PCDHA5: variants seen among roughly 807,000 people sequenced by gnomAD.
PCDHA5 encodes protocadherin alpha-5.
A neutral mutation model predicts 61.6 loss-of-function variants in PCDHA5; 43 were observed. The observed-to-expected ratio is 0.70, with a 90% CI of 0.55 to 0.90. The LOEUF (loss-of-function observed/expected upper bound fraction) is 0.90. Among genes scored for constraint, PCDHA5 ranks in the 40% least tolerant of loss-of-function variants. The pLI is 0.00. For synonymous variants in PCDHA5, 627 were observed against 543.9 expected (o/e 1.15, Z -2.13); for missense variants, 1,298 against 1,222.7 (o/e 1.06, Z -0.92).
At position 140,928,265 on chromosome 5, in the gene PCDHA5, A is replaced by G. The variant is rs1208273188; in HGVS notation, c.2353-50684A>G. ...CAGGAACTTTTCGTTGCTGAAAACA[A>G]TGGCCCTGGGGCCTCTCTAGGCCGA... On this transcript the variant is annotated intron_variant, in intron 1 of 3. Coordinates refer to ENST00000529859, the MANE Select transcript of PCDHA5 (RefSeq NM_018908.3). The G allele has an allele frequency of 3.1e-6, 5 of 1,614,188 alleles. No individual in the cohort carries two copies. In the South Asian group the frequency reaches 3.3e-5, roughly 11 times the overall value.
chr5:140,822,345 T>C lies in PCDHA5; in HGVS notation c.570T>C (p.Phe190=). The C allele has an allele frequency of 6.2e-7, 1 of 1,614,154 alleles. No homozygotes were observed. Among genetic ancestry groups the C allele is most frequent in the Non-Finnish European group, 8.5e-7 (1 of 1,180,028 alleles). ...DVKTNEEETN[F]LELVLRKSLD... is the part of the protein sequence containing the mutation. ...AAACAAATGAAGAAGAAACGAACTT[T>C]TTAGAGCTGGTTTTGAGGAAATCCT... Residue 190 remains phenylalanine, a synonymous_variant, in exon 1 of 4, where the codon TTT becomes TTC. Transcript: ENST00000529859.
At chr5:140,968,886 A>G in intron 1 of PCDHA5, 1 of 1,614,186 alleles carries the variant, frequency 6.2e-7, no homozygotes, top group Non-Finnish European at 8.5e-7. Context: ...ATTACCCTTT[A>G]TCTAATAATA....
chr5:141,004,311 C>T (rs2098161581), intron 3 of PCDHA5, among the ~76,000 whole-genome samples: 1 of 152,210 alleles, frequency 6.6e-6, no homozygotes, highest in South Asian at 2.1e-4. Context: ...TTTTATACAA[C>T]AACCAGAACA....
chr5:140,845,214 TA>T (rs1253125305), intron 1 of PCDHA5, among the ~76,000 whole-genome samples: 2 of 149,518 alleles, frequency 1.3e-5, no homozygotes, highest in South Asian at 2.1e-4. Flanking sequence ...TAAGTCCTTT[TA>T]AAAAATATGA....
intron 1 of PCDHA5, chr5:140,829,401 C>G: frequency 6.2e-7 from 1 of 1,614,092 alleles, no homozygotes; most frequent in Non-Finnish European, 8.5e-7. Context: ...TCGCTGTGGG[C>G]CACCGCCAGC....
intron 1 of PCDHA5, among the ~76,000 whole-genome samples, chr5:140,977,783 T>TATATGA (rs1488853966): frequency 1.3e-5 from 2 of 152,252 alleles, no homozygotes; most frequent in African/African-American, 4.8e-5. Context: ...TTAAAGGAAC[T>TATATGA]ATATGAATGA....
chr5:140,932,824 G>A (rs1484280278), intron 1 of PCDHA5, among the ~76,000 whole-genome samples: 4 of 151,902 alleles, frequency 2.6e-5, no homozygotes, highest in Admixed American at 6.6e-5. Context: ...AAGTGGGAAA[G>A]TATTGACAAT....
rs2150458258 is a variant in PCDHA5 at position 140,849,933 on chromosome 5, C to T, written c.2352+25806C>T. On this transcript the variant is annotated intron_variant, in intron 1 of 3. Transcript: ENST00000529859. Reference sequence around the variant, plus strand: ...CTGCCACATCTTCACGGTGTCTGCGCGGGACGCTGACGCGCAGGAGAACGC... The same window carrying T: ...CTGCCACATCTTCACGGTGTCTGCGTGGGACGCTGACGCGCAGGAGAACGC... The T allele has an allele frequency of 9.3e-5, 149 of 1,598,118 alleles. 10 individuals are homozygous for T. The highest frequency in any genetic ancestry group is 7.4e-4 in the South Asian group (67 of 90,542).
intron 1 of PCDHA5, chr5:140,843,767 T>A (rs2150366421): frequency 4.0e-6 from 6 of 1,487,048 alleles, no homozygotes; most frequent in African/African-American, 1.4e-5. Context: ...GAAATTGTAG[T>A]TACTTTAAAA....
chr5:140,882,209 A>T, intron 1 of PCDHA5: 1 of 1,531,724 alleles, frequency 6.5e-7, no homozygotes, highest in Non-Finnish European at 8.8e-7. Context: ...GCCTTGAGAG[A>T]CAGTTTGAGG....
At chr5:140,863,518 C>T (rs1339237201) in intron 1 of PCDHA5, 13 of 402,142 alleles carry the variant, frequency 3.2e-5, no homozygotes, top group Middle Eastern at 7.3e-4. Context: ...AGTGTTCTCC[C>T]ATGGTTCAGA....
At chr5:140,876,961 C>A in intron 1 of PCDHA5, 1 of 1,613,154 alleles carries the variant, frequency 6.2e-7, no homozygotes, top group Non-Finnish European at 8.5e-7. Flanking sequence ...GCTGGTGGAG[C>A]GGCGGGTGGG....
intron 1 of PCDHA5, chr5:140,868,176 CAT>C (rs1246417615): frequency 2.0e-5 from 3 of 152,006 alleles, no homozygotes; most frequent in African/African-American, 7.2e-5. Flanking sequence ...TTTGATATCT[CAT>C]ATTATGCTAC....
At chr5:140,927,054 C>CT in intron 1 of PCDHA5, 1 of 1,611,076 alleles carries the variant, frequency 6.2e-7, no homozygotes, top group African/African-American at 1.3e-5. Context: ...CCTCGCGGAA[C>CT]TTTCGCTTCC....
chr5:140,905,043 A>G (rs782694794), intron 1 of PCDHA5, among the ~76,000 whole-genome samples: 1 of 152,244 alleles, frequency 6.6e-6, no homozygotes, highest in East Asian at 1.9e-4. Flanking sequence ...TAGTTTAATT[A>G]GGTCCCATTT....
chr5:140,821,766 C>A lies in PCDHA5; in HGVS notation c.-10C>A. On this transcript the variant is annotated 5_prime_UTR_variant, in exon 1 of 4. Coordinates refer to ENST00000529859, the MANE Select transcript of PCDHA5 (RefSeq NM_018908.3). Reference sequence around the variant, plus strand: ...TGCAATAGAAAGCTCATAATTGGAACGAGATTGAGATGGTATATTCCCGGA... The same window carrying A: ...TGCAATAGAAAGCTCATAATTGGAAAGAGATTGAGATGGTATATTCCCGGA... 3 of 1,592,410 alleles carry A rather than the reference C, an allele frequency of 1.9e-6. No individual in the cohort carries two copies. Among genetic ancestry groups the A allele is most frequent in the Non-Finnish European group, 1.7e-6 (2 of 1,169,494 alleles).
At chr5:141,006,584 G>C (rs1554260824) in intron 3 of PCDHA5, among the ~76,000 whole-genome samples, 2 of 152,126 alleles carry the variant, frequency 1.3e-5, no homozygotes, top group Admixed American at 6.6e-5. Flanking sequence ...GAGGGTTGGA[G>C]AGAAGCAAAA....
At chr5:140,944,413 C>T (rs892243235) in intron 1 of PCDHA5, among the ~76,000 whole-genome samples, 3 of 152,292 alleles carry the variant, frequency 2.0e-5, no homozygotes, top group African/African-American at 7.2e-5. Context: ...TCTCGAACTC[C>T]TGATCTGAAG....
chr5:140,870,655 G>A (rs1554164527), intron 1 of PCDHA5: 1 of 1,612,540 alleles, frequency 6.2e-7, no homozygotes, highest in Non-Finnish European at 8.5e-7. Context: ...CAAGGTGTAC[G>A]CGCTGCAGCC....
Sources: gnomAD v4.1 joint callset for allele counts (sites outside exome capture counted in the v4.1 genomes callset) on GRCh38, gnomAD v4.1.1 for gene constraint, MANE v1.5 for transcripts, NCBI Gene and HGNC (gene_info 2026-07-23, HGNC 2026-07-21) for gene names.